The following PPP2R5B variants were observed in gnomAD, a reference collection of about 807,000 sequenced individuals.
PPP2R5B encodes protein phosphatase 2 regulatory subunit B'beta, also known as serine/threonine-protein phosphatase 2A 56 kDa regulatory subunit beta isoform.
In PPP2R5B, 19 loss-of-function variants were observed where a neutral mutation model predicts 59.9. The ratio of observed to expected loss-of-function variants is 0.32; its 90% CI spans 0.22 to 0.47. The LOEUF (loss-of-function observed/expected upper bound fraction) is 0.47. PPP2R5B is among the 20% of genes least tolerant of loss of function. The pLI, the probability that PPP2R5B is intolerant of heterozygous loss-of-function variation, is 1.00. For missense variants in PPP2R5B, 441 were observed against 640.2 expected, an observed-to-expected ratio of 0.69 and a Z score of 3.36; for synonymous variants, 286 against 260.5, an observed-to-expected ratio of 1.10 and a Z score of -0.94.
At chr11:64,923,617 C>T (rs1407235649), upstream of PPP2R5B, among the ~76,000 whole-genome samples, 4 of 152,068 alleles carry the variant, frequency 2.6e-5, no homozygotes, top group South Asian at 4.1e-4. Flanking sequence ...CCTCTGCAAC[C>T]GGGAGGATGG....
chr11:64,926,950 G>A (rs1175748736), intron 3 of PPP2R5B, 42 bp downstream of exon 3: 1 of 1,594,438 alleles, frequency 6.3e-7, no homozygotes, highest in Admixed American at 1.8e-5. Flanking sequence ...GGCCGAGAGG[G>A]CGTGTGAGCC....
At chr11:64,930,165 G>A (rs559437883) in intron 6 of PPP2R5B, among the ~76,000 whole-genome samples, 157 bp from the exon 7 acceptor site, 30 of 152,130 alleles carry the variant, frequency 2.0e-4, no homozygotes, top group Non-Finnish European at 4.1e-4. Context: ...GATCTCAATG[G>A]GGCCTGGTTT....
Position 64,933,987 on chromosome 11 carries a change from C to G in PPP2R5B, c.*143C>G. On this transcript the variant is annotated 3_prime_UTR_variant, in exon 14 of 14. Coordinates refer to ENST00000164133, the MANE Select transcript of PPP2R5B (RefSeq NM_006244.4). The stretch of plus-strand genomic sequence containing the variant: ...AGGACTCCCTGCCCAGCCCAGCTTT[C>G]ACTGGGGGGAGACGAGGAGAGGCAA... 1 of 1,038,226 alleles carries G rather than the reference C, an allele frequency of 9.6e-7. No homozygotes were observed. The highest frequency in any genetic ancestry group is 1.3e-6 in the Non-Finnish European group (1 of 768,558). 64.3% of individuals were successfully genotyped at this position (1,038,226 alleles called of 1,614,324 possible). A position where few individuals can be genotyped will look rare whatever the true frequency, so the allele number is the denominator to read the frequency against.
upstream of PPP2R5B, chr11:64,924,059 G>C (rs927520464): frequency 2.0e-5 from 3 of 152,224 alleles, no homozygotes; most frequent in African/African-American, 7.2e-5. Flanking sequence ...AGCTCAAGGA[G>C]AAAACCTCCT....
intron 6 of PPP2R5B, among the ~76,000 whole-genome samples, chr11:64,929,392 G>A (rs879025806): frequency 6.6e-6 from 1 of 152,166 alleles, no homozygotes; most frequent in Non-Finnish European, 1.5e-5. Flanking sequence ...GTGAACTTTG[G>A]CAAATTACTT....
Position 64,925,628 on chromosome 11 carries a change from G to C in PPP2R5B, c.-107G>C, listed in dbSNP as rs1292386858. 6 of 354,238 alleles carry C rather than the reference G, an allele frequency of 1.7e-5. No individual in the cohort carries two copies. Among genetic ancestry groups the C allele is most frequent in the Admixed American group, 1.5e-4 (3 of 19,680 alleles). 21.9% of individuals were successfully genotyped at this position (354,238 alleles called of 1,614,324 possible). On this transcript the variant is annotated 5_prime_UTR_variant, in exon 2 of 14. Transcript: ENST00000164133. The surrounding 1 kb of genome is among the most constrained non-coding windows in gnomAD (Gnocchi z 4.6). ...ACTGTGGTTGTGCCCCCCCCCCAAA[G>C]GCCGGACAGGATGGGACCAAGTTAG...
Position 64,934,012 on chromosome 11 carries a change from A to G in PPP2R5B, c.*168A>G, listed in dbSNP as rs1360433771. On this transcript the variant is annotated 3_prime_UTR_variant, in exon 14 of 14. Coordinates refer to ENST00000164133, the MANE Select transcript of PPP2R5B (RefSeq NM_006244.4). ...CACTGGGGGGAGACGAGGAGAGGCA[A>G]TGGTGGTCTTGGCAACAGAATGCTC... 9.5e-6 allele frequency: 8 copies of G among 840,400 alleles called. No individual in the cohort carries two copies. The highest frequency in any genetic ancestry group is 1.2e-5 in the Non-Finnish European group (7 of 592,008). The allele number at this position is 840,400 out of a possible 1,614,324, so 52.1% of individuals were successfully genotyped here.
Position 64,933,741 on chromosome 11 carries a change from T to C in PPP2R5B, c.1391T>C (p.Leu464Pro). 6.4e-7 allele frequency: 1 copy of C among 1,557,770 alleles called. No individual in the cohort carries two copies. Among genetic ancestry groups the C allele is most frequent in the East Asian group, 2.4e-5 (1 of 41,496 alleles). The change falls in exon 14 of 14, where the codon CTG becomes CCG. Residue 464 changes from leucine to proline, a missense_variant. Coordinates refer to ENST00000164133, the MANE Select transcript of PPP2R5B (RefSeq NM_006244.4). ...AQERQELWQG[L>P]EELRLRRLQG... ...GAGCGTCAGGAGTTATGGCAAGGTC[T>C]GGAGGAGCTGCGGCTACGCCGGCTA... is the stretch of plus-strand genomic sequence containing the variant.
Position 64,931,287 on chromosome 11 carries a change from C to T in PPP2R5B, c.892-149C>T. Reference sequence around the variant, plus strand: ...AGCACACTGAATGTGATGCCTGGTACATCCTAGGCAGGTGATAAATGCTTG... The same window carrying T: ...AGCACACTGAATGTGATGCCTGGTATATCCTAGGCAGGTGATAAATGCTTG... On this transcript the variant is annotated intron_variant, in intron 8 of 13. Transcript: ENST00000164133. The surrounding 1 kb of genome is among the most constrained non-coding windows in gnomAD (Gnocchi z 5.0). 2.5e-6 allele frequency: 2 copies of T among 811,116 alleles called. No individual in the cohort carries two copies. Among genetic ancestry groups the T allele is most frequent in the East Asian group, 2.7e-5 (1 of 37,264 alleles). 50.2% of individuals were successfully genotyped at this position (811,116 alleles called of 1,614,324 possible). A position where few individuals can be genotyped will look rare whatever the true frequency, so the allele number is the denominator to read the frequency against.
chr11:64,933,326 G>A, intron 13 of PPP2R5B, 80 bp downstream of exon 13: 1 of 1,233,258 alleles, frequency 8.1e-7, no homozygotes, highest in Non-Finnish European at 1.2e-6. Context: ...GGAACCCGAG[G>A]ACTACCCCAA....
At chr11:64,927,184 A>G (rs1945175211) in intron 3 of PPP2R5B, among the ~76,000 whole-genome samples, 1 of 152,176 alleles carries the variant, frequency 6.6e-6, no homozygotes, top group African/African-American at 2.4e-5. Flanking sequence ...CGCCTCTGCC[A>G]AGAAGCCGCT....
rs1001632475 is a variant in PPP2R5B, at chr11:64,928,061, C to T, written c.499-5C>T. On this transcript the variant is annotated splice_region_variant and splice_polypyrimidine_tract_variant and intron_variant, in intron 4 of 13. Transcript: ENST00000164133. ...CTCACCTTTTTGTCTGTCCCCCTCCCCCAGCTGGTATATGAGTTTTTCCTG... is the reference window on the plus strand; with the variant it reads ...CTCACCTTTTTGTCTGTCCCCCTCCTCCAGCTGGTATATGAGTTTTTCCTG... The T allele has an allele frequency of 2.5e-6, 4 of 1,614,080 alleles. No homozygotes were observed. The highest frequency in any genetic ancestry group is 1.1e-5 in the South Asian group (1 of 91,076).
Position 64,933,257 on chromosome 11 carries a change from G to A in PPP2R5B, c.1346+11G>A, listed in dbSNP as rs1469400072. The A allele has an allele frequency of 6.3e-6, 10 of 1,588,098 alleles. No individual in the cohort carries two copies. The highest frequency in any genetic ancestry group is 6.9e-6 in the Non-Finnish European group (8 of 1,156,944). ...GCTGGAAAAGCAGCAGTGAGTGTTG[G>A]GGGCTGGGCGTGGGGGAAGGGAGAA... On this transcript the variant is annotated intron_variant, in intron 13 of 13. Transcript: ENST00000164133.
upstream of PPP2R5B, among the ~76,000 whole-genome samples, chr11:64,922,767 C>T (rs542877781): frequency 3.9e-4 from 58 of 150,082 alleles, no homozygotes; most frequent in African/African-American, 1.3e-3. Context: ...CCCAGCTATT[C>T]GGGAGGCTGA....
intron 4 of PPP2R5B, 53 bp downstream of exon 4, chr11:64,927,956 A>AT: frequency 6.4e-7 from 1 of 1,568,272 alleles, no homozygotes; most frequent in South Asian, 1.1e-5. Flanking sequence ...GATCCAAGGC[A>AT]TGGGGAGAGG....
chr11:64,933,799 C>G lies in PPP2R5B; in HGVS notation c.1449C>G (p.Leu483=), dbSNP rs766795374. The change falls in exon 14 of 14, where the codon CTC becomes CTG. Residue 483 remains leucine (L), a synonymous_variant. Coordinates refer to ENST00000164133, the MANE Select transcript of PPP2R5B (RefSeq NM_006244.4). ...CCCAGGGGGCCAAGGAGGCCCCCCT[C>G]CAGCGGCTTACACCCCAGGTGGCCG... The part of the protein sequence containing the change: ...QGTQGAKEAP[L]QRLTPQVAAS... 4 of 1,553,190 alleles carry G rather than the reference C, an allele frequency of 2.6e-6. No homozygotes were observed. Among genetic ancestry groups the G allele is most frequent in the Non-Finnish European group, 3.5e-6 (4 of 1,148,070 alleles).
In PPP2R5B at chr11:64,925,810, G is replaced by A. The variant is rs781499863; in HGVS notation, c.76G>A (p.Asp26Asn). The A allele has an allele frequency of 6.1e-6, 8 of 1,302,406 alleles. No individual in the cohort carries two copies. The highest frequency in any genetic ancestry group is 3.3e-5 in the African/African-American group (2 of 60,310). 80.7% of individuals were successfully genotyped at this position (1,302,406 alleles called of 1,614,324 possible). A position where few individuals can be genotyped will look rare whatever the true frequency, so the allele number is the denominator to read the frequency against. ...CGGGCTGTCGCCTGTGCCCCCACCC[G>A]ACAAGGTGGACGGCTTCTCCCGCCG... ...SPGLSPVPPP[D>N]KVDGFSRRSL... Residue 26 changes from aspartate to asparagine, a missense_variant, in exon 2 of 14, where the codon GAC becomes AAC. Coordinates refer to ENST00000164133, the MANE Select transcript of PPP2R5B (RefSeq NM_006244.4). The surrounding 1 kb of genome is among the most constrained non-coding windows in gnomAD (Gnocchi z 4.6).
intron 6 of PPP2R5B, among the ~76,000 whole-genome samples, chr11:64,929,955 C>T (rs569419031): frequency 1.3e-4 from 20 of 152,308 alleles, no homozygotes; most frequent in Middle Eastern, 3.4e-3. Flanking sequence ...TTTATTTAAC[C>T]GCTGAGTCTT....
At chr11:64,923,932 C>T (rs1480574887), upstream of PPP2R5B, among the ~76,000 whole-genome samples, 7 of 152,162 alleles carry the variant, frequency 4.6e-5, no homozygotes, top group South Asian at 2.1e-4. Context: ...CCACCTGTGC[C>T]TTGCATGCCA....
Sources: allele counts gnomAD v4.1 joint callset (sites outside exome capture counted in the v4.1 genomes callset), GRCh38; gene constraint gnomAD v4.1.1; non-coding constraint Gnocchi (gnomAD v3.1); transcripts MANE v1.5; gene names NCBI Gene and HGNC (gene_info 2026-07-23, HGNC 2026-07-21).